SMYD3: variants seen among roughly 807,000 people sequenced by gnomAD.
SMYD3 encodes histone-lysine N-methyltransferase SMYD3.
A neutral mutation model predicts 57.7 loss-of-function variants in SMYD3; 36 were observed. The observed-to-expected ratio is 0.62, with a 90% CI of 0.48 to 0.82. SMYD3 has a LOEUF of 0.82. SMYD3 is among the 40% of genes least tolerant of loss of function. The pLI, the probability that SMYD3 is intolerant of heterozygous loss-of-function variation, is 0.00. For missense variants in SMYD3, 515 were observed against 538.8 expected (o/e 0.96, Z 0.44); for synonymous variants, 211 against 195.0 (o/e 1.08, Z -0.68).
chr1:245,968,447 T>C (rs996807397), intron 5 of SMYD3, among the ~76,000 whole-genome samples: 1 of 152,124 alleles, frequency 6.6e-6, no homozygotes, highest in Non-Finnish European at 1.5e-5. Context: ...GTGCCTCCTA[T>C]ATTAAAACAA....
chr1:246,030,750 C>A (rs1241911459), intron 5 of SMYD3, among the ~76,000 whole-genome samples: 1 of 152,162 alleles, frequency 6.6e-6, no homozygotes, highest in Non-Finnish European at 1.5e-5. Context: ...ATCATAAATA[C>A]AAACCCGCAC....
In SMYD3 at chr1:245,800,332, A is replaced by G. The variant is rs566185237; in HGVS notation, c.1077-36183T>C. On this transcript the variant is annotated intron_variant, in intron 10 of 11. Transcript: ENST00000490107. ...GTGTATCTTTCCTTCCTAGCTCTTC[A>G]TGCAGTTCATAACTATACACTATAT... 1.3e-4 allele frequency among the ~76,000 whole-genome samples: 20 copies of G among 152,086 alleles called. No homozygotes were observed. In the South Asian group the frequency reaches 4.0e-3, roughly 30 times the overall value.
At chr1:245,819,107 C>T (rs1313878055) in intron 10 of SMYD3, among the ~76,000 whole-genome samples, 3 of 142,018 alleles carry the variant, frequency 2.1e-5, no homozygotes, top group African/African-American at 8.1e-5. Context: ...TTCAGCACCA[C>T]ACCACACCTA....
chr1:246,386,660 T>C (rs921128334), intron 1 of SMYD3, among the ~76,000 whole-genome samples: 1 of 151,250 alleles, frequency 6.6e-6, no homozygotes, highest in Non-Finnish European at 1.5e-5. Flanking sequence ...AAAAAAATTG[T>C]CAGTCACTCA....
At chr1:246,069,406 C>T (rs970881835) in intron 5 of SMYD3, among the ~76,000 whole-genome samples, 1 of 152,114 alleles carries the variant, frequency 6.6e-6, no homozygotes, top group East Asian at 1.9e-4. Context: ...ATGGTAATGA[C>T]GCTCCTCAGT....
At chr1:245,932,800 G>T (rs893773511) in intron 5 of SMYD3, among the ~76,000 whole-genome samples, 3 of 152,138 alleles carry the variant, frequency 2.0e-5, no homozygotes, top group Admixed American at 2.0e-4. Flanking sequence ...GGCCTCAAGT[G>T]GTCCTCCCGT....
chr1:246,418,769 C>T (rs1350356957), intron 1 of SMYD3, among the ~76,000 whole-genome samples: 5 of 152,134 alleles, frequency 3.3e-5, no homozygotes, highest in Non-Finnish European at 5.9e-5. Context: ...TGCTGGCCGA[C>T]GGCCTCCCAG....
chr1:245,921,004 TA>T (rs1291588214), intron 7 of SMYD3, among the ~76,000 whole-genome samples: 1 of 152,146 alleles, frequency 6.6e-6, no homozygotes, highest in African/African-American at 2.4e-5. Context: ...ACAAACGACC[TA>T]CAGAATAGGA....
At chr1:246,073,947 A>T (rs1204412602) in intron 5 of SMYD3, among the ~76,000 whole-genome samples, 1 of 152,216 alleles carries the variant, frequency 6.6e-6, no homozygotes, top group East Asian at 1.9e-4. Flanking sequence ...CAAGTGTAAT[A>T]GATGGCAAAT....
chr1:246,072,816 G>C (rs1201561686), intron 5 of SMYD3, among the ~76,000 whole-genome samples: 3 of 152,124 alleles, frequency 2.0e-5, no homozygotes, highest in African/African-American at 7.2e-5. Context: ...CTTTTCTTCT[G>C]CCTTGGACGT....
At chr1:245,993,405 A>G (rs1185432844) in intron 5 of SMYD3, among the ~76,000 whole-genome samples, 2 of 152,144 alleles carry the variant, frequency 1.3e-5, no homozygotes, top group African/African-American at 4.8e-5. Context: ...CAGCAATACT[A>G]AACTTTAAAA....
At chr1:245,927,448 T>C (rs774824632) in intron 7 of SMYD3, among the ~76,000 whole-genome samples, 56 of 152,210 alleles carry the variant, frequency 3.7e-4, no homozygotes, top group Non-Finnish European at 7.2e-4. Context: ...CCTGAGACAG[T>C]ATAAGCTGTT....
At chr1:246,138,257 T>A (rs1463267322) in intron 5 of SMYD3, among the ~76,000 whole-genome samples, 1 of 152,056 alleles carries the variant, frequency 6.6e-6, no homozygotes, top group Non-Finnish European at 1.5e-5. Flanking sequence ...TTCGTATATA[T>A]TCGCTCACTA....
intron 5 of SMYD3, among the ~76,000 whole-genome samples, chr1:246,233,996 A>C (rs377701428): frequency 7.5e-6 from 1 of 133,652 alleles, no homozygotes. Context: ...CACTGTGATG[A>C]ACATATACCA....
chr1:245,919,766 C>G (rs1446974367), intron 7 of SMYD3, among the ~76,000 whole-genome samples: 2 of 152,132 alleles, frequency 1.3e-5, no homozygotes, highest in African/African-American at 4.8e-5. Context: ...ATATGTGAAA[C>G]TTGGCCATTG....
chr1:246,087,832 C>T (rs2060745056), intron 5 of SMYD3, among the ~76,000 whole-genome samples: 1 of 152,206 alleles, frequency 6.6e-6, no homozygotes, highest in Admixed American at 6.5e-5. Flanking sequence ...CGGACTGAAA[C>T]CCGTCCTCAG....
chr1:246,094,538 G>C (rs2060879567), intron 5 of SMYD3, among the ~76,000 whole-genome samples: 1 of 152,170 alleles, frequency 6.6e-6, no homozygotes. Flanking sequence ...TGATCTTCCA[G>C]AGAGCATGTC....
intron 1 of SMYD3, among the ~76,000 whole-genome samples, chr1:246,489,258 A>G (rs2068233308): frequency 6.6e-6 from 1 of 152,148 alleles, no homozygotes; most frequent in Non-Finnish European, 1.5e-5. Flanking sequence ...AGGCAGGAGA[A>G]TGGCGTGAAC....
At chr1:246,265,241 TC>T (rs1330693366) in intron 5 of SMYD3, among the ~76,000 whole-genome samples, 1 of 152,136 alleles carries the variant, frequency 6.6e-6, no homozygotes, top group African/African-American at 2.4e-5. Context: ...GCTCAAGTGA[TC>T]CCACCTCAGC....
Sources: gnomAD v4.1 joint callset for allele counts (sites outside exome capture counted in the v4.1 genomes callset) on GRCh38, gnomAD v4.1.1 for gene constraint, MANE v1.5 for transcripts, NCBI Gene and HGNC (gene_info 2026-07-23, HGNC 2026-07-21) for gene names.